Variants in VWA3B observed in about 807,000 individuals in gnomAD.
VWA3B encodes the protein von Willebrand factor A domain containing 3B, also known as von Willebrand factor A domain-containing protein 3B.
VWA3B carries 138 observed loss-of-function variants against 158.3 expected under a neutral mutation model. The observed-to-expected ratio is 0.87, with a 90% confidence interval of 0.76 to 1.00. The LOEUF is 1.00. VWA3B is among the 50% of genes least tolerant of loss of function. VWA3B has a pLI of 0.00. For synonymous variants in VWA3B, 596 were observed against 587.3 expected (o/e 1.01, Z -0.21); for missense variants, 1,555 against 1,565.1 (o/e 0.99, Z 0.11).
In VWA3B at chr2:98,093,183, CAG is replaced by C; in HGVS notation, c.94_95del (p.Leu33HisfsTer4). 3 of 1,614,120 alleles carry C rather than the reference CAG, an allele frequency of 1.9e-6. 1 individual carries two copies. The South Asian group carries it at 3.3e-5, about 18-fold the overall frequency. On this transcript the variant is annotated frameshift_variant, in exon 2 of 28. Coordinates refer to ENST00000477737, the MANE Select transcript of VWA3B (RefSeq NM_144992.5). LOFTEE classifies it high-confidence loss of function. ...TAACACCAAAACAGACTTGGCTGAG[CAG>C]AGTCTCATTTCATCTGAGAAATGGC... ...WINTKTDLAE[Q>X]SLISSEKWLQ...
intron 22 of VWA3B, among the ~76,000 whole-genome samples, chr2:98,282,205 T>C (rs1688916650): frequency 6.6e-6 from 1 of 152,178 alleles, no homozygotes; most frequent in African/African-American, 2.4e-5. Flanking sequence ...CTTTTCATCC[T>C]GGGAAGCCTA....
intron 2 of VWA3B, among the ~76,000 whole-genome samples, chr2:98,105,632 G>T (rs555630777): frequency 9.9e-5 from 15 of 152,234 alleles, no homozygotes; most frequent in African/African-American, 2.9e-4. Context: ...GGAGGCTGAG[G>T]TGGGAGGATT....
At chr2:98,292,658 A>G (rs1213942089) in intron 23 of VWA3B, among the ~76,000 whole-genome samples, 1 of 152,102 alleles carries the variant, frequency 6.6e-6, no homozygotes, top group Admixed American at 6.5e-5. Flanking sequence ...CTAAACTAGT[A>G]GTCGAATGAA....
chr2:98,160,568 G>A (rs1678492244), intron 7 of VWA3B, among the ~76,000 whole-genome samples: 1 of 152,156 alleles, frequency 6.6e-6, no homozygotes, highest in Non-Finnish European at 1.5e-5. Context: ...CTTTGACCCT[G>A]CCCTGTGGTG....
intron 6 of VWA3B, among the ~76,000 whole-genome samples, chr2:98,130,852 G>A (rs1675810319): frequency 6.6e-6 from 1 of 152,220 alleles, no homozygotes; most frequent in Non-Finnish European, 1.5e-5. Flanking sequence ...ATATTCTGTT[G>A]CATGCATAGC....
intron 20 of VWA3B, among the ~76,000 whole-genome samples, chr2:98,250,696 A>G (rs62156725): frequency 0.039 from 5,909 of 152,190 alleles, 170 homozygotes; most frequent in Middle Eastern, 0.075. Flanking sequence ...TTTAAAGAAT[A>G]ATATCACAAC....
chr2:98,265,623 A>T (rs1687766403), intron 21 of VWA3B, among the ~76,000 whole-genome samples: 2 of 148,194 alleles, frequency 1.3e-5, no homozygotes, highest in African/African-American at 5.0e-5. Context: ...CGCCACACTG[A>T]CTTCCACAAT....
At chr2:98,107,655 G>T (rs558330232) in intron 2 of VWA3B, among the ~76,000 whole-genome samples, 2 of 152,086 alleles carry the variant, frequency 1.3e-5, no homozygotes, top group African/African-American at 4.8e-5. Context: ...TGTCTAATTT[G>T]TGAGGAGTTT....
downstream of VWA3B, among the ~76,000 whole-genome samples, chr2:98,317,319 A>G (rs1359538962): frequency 1.4e-5 from 2 of 146,868 alleles, no homozygotes; most frequent in Non-Finnish European, 3.0e-5. Flanking sequence ...TAAACCAAAA[A>G]TAAAATTCTA....
intron 8 of VWA3B, among the ~76,000 whole-genome samples, chr2:98,168,754 A>T (rs761975141): frequency 1.1e-4 from 17 of 152,202 alleles, no homozygotes; most frequent in Non-Finnish European, 2.5e-4. Flanking sequence ...AGATGAGTGG[A>T]CTTGAAGACA....
downstream of VWA3B, among the ~76,000 whole-genome samples, chr2:98,314,724 T>G (rs952901896): frequency 2.0e-5 from 3 of 151,998 alleles, no homozygotes; most frequent in Admixed American, 6.6e-5. Context: ...AAATAACCCA[T>G]AATAAAGAGA....
intron 2 of VWA3B, among the ~76,000 whole-genome samples, chr2:98,104,331 G>T (rs1399826931): frequency 6.6e-6 from 1 of 152,152 alleles, no homozygotes; most frequent in African/African-American, 2.4e-5. Context: ...CATCTGGTGA[G>T]GGCCTCAGGA....
At chr2:98,197,563 AATT>A (rs1056666051) in intron 12 of VWA3B, among the ~76,000 whole-genome samples, 1 of 152,146 alleles carries the variant, frequency 6.6e-6, no homozygotes, top group Non-Finnish European at 1.5e-5. Context: ...TCTATATTGG[AATT>A]ATTCTATAAG....
At chr2:98,244,965 G>A (rs1396125498) in intron 19 of VWA3B, among the ~76,000 whole-genome samples, 3 of 152,108 alleles carry the variant, frequency 2.0e-5, no homozygotes, top group African/African-American at 7.2e-5. Flanking sequence ...TTTATGGTCA[G>A]TGACTGTCTC....
chr2:98,322,283 T>C, the VWA3B span, among the ~76,000 whole-genome samples: 2 of 152,230 alleles, frequency 1.3e-5, no homozygotes, highest in Non-Finnish European at 2.9e-5. Flanking sequence ...GAAAGAATTG[T>C]GAGTTTGTGA....
At chr2:98,150,420 G>A (rs1395626076) in intron 7 of VWA3B, among the ~76,000 whole-genome samples, 1 of 152,174 alleles carries the variant, frequency 6.6e-6, no homozygotes, top group East Asian at 1.9e-4. Flanking sequence ...TCAGGAGTTC[G>A]TGGTCATTCT....
intron 7 of VWA3B, among the ~76,000 whole-genome samples, chr2:98,162,228 C>T (rs1330160067): frequency 2.1e-5 from 3 of 141,650 alleles, no homozygotes; most frequent in South Asian, 2.3e-4. Context: ...GAAGGCAGAG[C>T]CTGTATCCCA....
chr2:98,316,254 A>G (rs1048852005), downstream of VWA3B, among the ~76,000 whole-genome samples: 3 of 152,236 alleles, frequency 2.0e-5, no homozygotes, highest in African/African-American at 7.2e-5. Flanking sequence ...TTCTTTGAGC[A>G]TGCACCTGTC....
intron 19 of VWA3B, among the ~76,000 whole-genome samples, chr2:98,242,507 T>G (rs970315170): frequency 6.6e-6 from 1 of 151,968 alleles, no homozygotes; most frequent in Admixed American, 6.5e-5. Flanking sequence ...GGAAAATTGG[T>G]CTGCACCACT....
Sources: gnomAD v4.1 joint callset for allele counts (sites outside exome capture counted in the v4.1 genomes callset) on GRCh38, gnomAD v4.1.1 for gene constraint, MANE v1.5 for transcripts, NCBI Gene and HGNC (gene_info 2026-07-23, HGNC 2026-07-21) for gene names.